The following CDK14 variants were observed in gnomAD, a reference collection of about 807,000 sequenced individuals.
CDK14 encodes cyclin-dependent kinase 14.
CDK14 carries 34 observed loss-of-function variants against 60.7 expected under a neutral mutation model. The ratio of observed to expected loss-of-function variants is 0.56; its 90% CI spans 0.43 to 0.75. The LOEUF (loss-of-function observed/expected upper bound fraction) is 0.75. Among genes scored for constraint, CDK14 ranks in the 30% least tolerant of loss-of-function variants. CDK14 has a pLI of 0.00. For missense variants in CDK14, 482 were observed against 564.1 expected (o/e 0.85, Z 1.47); for synonymous variants, 197 against 203.7 (o/e 0.97, Z 0.28).
At chr7:90,962,758 A>G (rs947592774) in intron 9 of CDK14, among the ~76,000 whole-genome samples, 6 of 152,212 alleles carry the variant, frequency 3.9e-5, no homozygotes, top group Admixed American at 3.9e-4. Flanking sequence ...TTTTTTAAAC[A>G]GCCAATCACA....
intron 11 of CDK14, among the ~76,000 whole-genome samples, chr7:91,047,556 C>T (rs1232930582): frequency 6.6e-6 from 1 of 152,124 alleles, no homozygotes; most frequent in African/African-American, 2.4e-5. Flanking sequence ...TTAAAACAGA[C>T]ATTATGTATG....
Position 91,009,438 on chromosome 7 carries a change from A to G in CDK14, c.1041+25197A>G, listed in dbSNP as rs548906195. Reference sequence around the variant, plus strand: ...GGTGGGTGTATGCTTAACTCTTTTAAAAACTGCCAGTCTGTTTTCCAGTGT... The same window carrying G: ...GGTGGGTGTATGCTTAACTCTTTTAGAAACTGCCAGTCTGTTTTCCAGTGT... On this transcript the variant is annotated intron_variant, in intron 10 of 14. Coordinates refer to ENST00000380050, the MANE Select transcript of CDK14 (RefSeq NM_001287135.2). Among the ~76,000 whole-genome samples, 146 of 152,232 alleles carry G rather than the reference A, an allele frequency of 9.6e-4. 1 individual carries two copies. The highest frequency in any genetic ancestry group is 3.2e-3 in the African/African-American group (135 of 41,546).
intron 4 of CDK14, among the ~76,000 whole-genome samples, chr7:90,760,111 A>G (rs556909908): frequency 6.6e-6 from 1 of 152,162 alleles, no homozygotes; most frequent in Non-Finnish European, 1.5e-5. Context: ...TTGAACTTGA[A>G]TTAAACGACC....
At chr7:91,001,189 A>G (rs965611030) in intron 10 of CDK14, among the ~76,000 whole-genome samples, 1 of 152,180 alleles carries the variant, frequency 6.6e-6, no homozygotes, top group African/African-American at 2.4e-5. Flanking sequence ...AGGCTTTTAA[A>G]TATTGGGGAG....
intron 2 of CDK14, among the ~76,000 whole-genome samples, chr7:90,682,104 C>G (rs1291322624): frequency 1.3e-5 from 2 of 151,960 alleles, no homozygotes; most frequent in Admixed American, 6.6e-5. Context: ...TGTTTATGCA[C>G]TGAGGGTGTA....
chr7:90,773,364 G>C (rs562325680), intron 4 of CDK14, among the ~76,000 whole-genome samples: 1 of 152,276 alleles, frequency 6.6e-6, no homozygotes, highest in East Asian at 1.9e-4. Context: ...TAGCTACCCT[G>C]TGTCTCAGTT....
At chr7:91,037,069 C>A (rs1796953615) in intron 10 of CDK14, among the ~76,000 whole-genome samples, 1 of 152,332 alleles carries the variant, frequency 6.6e-6, no homozygotes, top group East Asian at 1.9e-4. Flanking sequence ...CTAAAAACCA[C>A]AAGTCTTTTT....
At chr7:90,601,922 T>TTATGTATGTATGTATGTATG (rs66873680) in intron 1 of CDK14, among the ~76,000 whole-genome samples, 6 of 143,388 alleles carry the variant, frequency 4.2e-5, no homozygotes, top group Non-Finnish European at 9.2e-5. Flanking sequence ...TTGGCTAATT[T>TTATGTATGTATGTATGTATG]TATGTATGTA....
intron 12 of CDK14, chr7:91,107,488 A>T (rs960244540): frequency 1.3e-5 from 2 of 152,232 alleles, no homozygotes; most frequent in Admixed American, 1.3e-4. Flanking sequence ...GGTTCTGAAT[A>T]ATGGTACACT....
intron 6 of CDK14, among the ~76,000 whole-genome samples, chr7:90,865,845 G>A (rs926505456): frequency 3.9e-5 from 6 of 152,096 alleles, no homozygotes; most frequent in African/African-American, 1.2e-4. Context: ...AAACCTAAAG[G>A]TTAGGGAGAT....
intron 10 of CDK14, among the ~76,000 whole-genome samples, chr7:91,014,595 G>T (rs946860247): frequency 1.1e-4 from 16 of 152,258 alleles, no homozygotes; most frequent in African/African-American, 3.6e-4. Flanking sequence ...GTGATGTAGA[G>T]GTAGCAGTAG....
chr7:90,784,145 A>T (rs1402793461), intron 4 of CDK14, among the ~76,000 whole-genome samples: 1 of 152,222 alleles, frequency 6.6e-6, no homozygotes, highest in Non-Finnish European at 1.5e-5. Flanking sequence ...GAACGGGAGG[A>T]CATTAACTTC....
At chr7:90,727,030 T>G (rs1019132795) in intron 3 of CDK14, among the ~76,000 whole-genome samples, 2 of 152,144 alleles carry the variant, frequency 1.3e-5, no homozygotes, top group African/African-American at 2.4e-5. Flanking sequence ...TTCAACTTAT[T>G]TTTGGAAAAA....
chr7:90,682,526 T>C (rs1319196593), intron 2 of CDK14, among the ~76,000 whole-genome samples: 2 of 152,234 alleles, frequency 1.3e-5, no homozygotes, highest in African/African-American at 4.8e-5. Context: ...GATAAAGATA[T>C]CCACTTACAT....
intron 2 of CDK14, among the ~76,000 whole-genome samples, chr7:90,661,105 C>T (rs1800857786): frequency 6.6e-6 from 1 of 152,190 alleles, no homozygotes; most frequent in African/African-American, 2.4e-5. Context: ...ATTCTGAAAA[C>T]TTTTCTGCCA....
intron 6 of CDK14, among the ~76,000 whole-genome samples, chr7:90,873,059 T>A (rs193131094): frequency 8.4e-4 from 128 of 152,262 alleles, no homozygotes; most frequent in African/African-American, 3.0e-3. Flanking sequence ...TTTTTAAAAA[T>A]TTTCTCACAG....
intron 7 of CDK14, among the ~76,000 whole-genome samples, chr7:90,906,464 A>C (rs546778493): frequency 1.3e-5 from 2 of 152,104 alleles, no homozygotes; most frequent in Non-Finnish European, 2.9e-5. Context: ...TGAATACTTA[A>C]TTTTTATTAT....
At position 90,666,656 on chromosome 7, in the gene CDK14, C is replaced by T. The variant is rs1023531296; in HGVS notation, c.124-59911C>T. The stretch of plus-strand genomic sequence containing the variant: ...CGGAACATAGTTTGGGAAAATGTTG[C>T]CTTAAAACATGGTTTTGGTTAAGAA... On this transcript the variant is annotated intron_variant, in intron 2 of 14. Coordinates refer to ENST00000380050, the MANE Select transcript of CDK14 (RefSeq NM_001287135.2). Among the ~76,000 whole-genome samples, 4 of 152,112 alleles carry T rather than the reference C, an allele frequency of 2.6e-5. No homozygotes were observed. In the East Asian group the frequency reaches 5.8e-4, roughly 22 times the overall value.
chr7:90,774,328 C>G (rs1804926995), intron 4 of CDK14, among the ~76,000 whole-genome samples: 1 of 152,032 alleles, frequency 6.6e-6, no homozygotes. Context: ...GTAGGTAGTT[C>G]TTTTTCAACT....
Sources: allele counts gnomAD v4.1 joint callset (sites outside exome capture counted in the v4.1 genomes callset), GRCh38; gene constraint gnomAD v4.1.1; transcripts MANE v1.5; gene names NCBI Gene and HGNC (gene_info 2026-07-23, HGNC 2026-07-21).